The following SEMA3E variants were observed in gnomAD, a reference collection of about 807,000 sequenced individuals.
The protein encoded by SEMA3E is semaphorin 3E.
Under a neutral mutation model 93.6 loss-of-function variants are expected in SEMA3E, and 49 were observed. The ratio of observed to expected loss-of-function variants is 0.52; its 90% CI spans 0.42 to 0.66. The LOEUF is 0.66. Ranked by LOEUF, SEMA3E falls within the 30% of genes least tolerant of loss-of-function variation. SEMA3E has a pLI of 0.00. For synonymous variants in SEMA3E, 363 were observed against 330.7 expected (o/e 1.10, Z -1.06); for missense variants, 906 against 964.8 (o/e 0.94, Z 0.81).
At chr7:83,560,837 T>C (rs1221697715) in intron 1 of SEMA3E, among the ~76,000 whole-genome samples, 1 of 152,026 alleles carries the variant, frequency 6.6e-6, no homozygotes. Context: ...ATCATACTTA[T>C]CATACTTTTT....
intron 3 of SEMA3E, among the ~76,000 whole-genome samples, chr7:83,468,443 T>A (rs560705044): frequency 6.6e-6 from 1 of 152,334 alleles, no homozygotes; most frequent in South Asian, 2.1e-4. Context: ...TTAGTCAGCA[T>A]CATGCTGTGG....
intron 1 of SEMA3E, among the ~76,000 whole-genome samples, chr7:83,638,350 T>G (rs1185713747): frequency 6.6e-6 from 1 of 152,158 alleles, no homozygotes; most frequent in East Asian, 1.9e-4. Flanking sequence ...GATGAAGTGG[T>G]AAGCGACATC....
intron 1 of SEMA3E, among the ~76,000 whole-genome samples, chr7:83,505,361 T>C (rs1231989509): frequency 6.6e-6 from 1 of 152,138 alleles, no homozygotes; most frequent in Non-Finnish European, 1.5e-5. Flanking sequence ...TTTAAAAATC[T>C]AAGTCTATTA....
intron 5 of SEMA3E, among the ~76,000 whole-genome samples, chr7:83,417,424 G>A (rs79201186): frequency 4.6e-5 from 7 of 152,164 alleles, no homozygotes; most frequent in Non-Finnish European, 1.0e-4. Context: ...TCAGGAGAGA[G>A]TTTTAAGTTT....
At chr7:83,632,730 T>TA (rs1342676158) in intron 1 of SEMA3E, among the ~76,000 whole-genome samples, 4 of 152,212 alleles carry the variant, frequency 2.6e-5, no homozygotes, top group Admixed American at 1.3e-4. Flanking sequence ...CATCATGACT[T>TA]ATGTCCTTCC....
intron 1 of SEMA3E, among the ~76,000 whole-genome samples, chr7:83,565,470 A>C (rs189447936): frequency 6.6e-6 from 1 of 152,194 alleles, no homozygotes; most frequent in Non-Finnish European, 1.5e-5. Context: ...ACGTATACCT[A>C]TGGAACAAAC....
intron 1 of SEMA3E, among the ~76,000 whole-genome samples, chr7:83,501,326 T>C (rs1767972232): frequency 1.3e-5 from 2 of 152,238 alleles, no homozygotes; most frequent in Admixed American, 1.3e-4. Flanking sequence ...TTACATATTA[T>C]TTAAATCATA....
At chr7:83,369,510 C>A (rs538796446) in intron 16 of SEMA3E, among the ~76,000 whole-genome samples, 1 of 152,136 alleles carries the variant, frequency 6.6e-6, no homozygotes, top group African/African-American at 2.4e-5. Context: ...AAGTTAATAA[C>A]TCAGAAGCTT....
In SEMA3E at chr7:83,383,844, T is replaced by C. The variant is rs570588569; in HGVS notation, c.1875+1450A>G. Among the ~76,000 whole-genome samples the C allele has an allele frequency of 1.9e-4, 29 of 152,136 alleles. 1 individual carries two copies. The highest frequency in any genetic ancestry group is 4.6e-4 in the Admixed American group (7 of 15,210). ...ATAAAAGAATTACTTCACTGTCTTC[T>C]GAAGCCATTCAGCTTGGAGGAACTA... On this transcript the variant is annotated intron_variant, in intron 16 of 16. Coordinates refer to ENST00000643230, the MANE Select transcript of SEMA3E (RefSeq NM_012431.3).
In SEMA3E at chr7:83,418,554, CAT is replaced by C. The variant is rs578261046; in HGVS notation, c.457-73_457-72del. On this transcript the variant is annotated intron_variant, in intron 4 of 16. Coordinates refer to ENST00000643230, the MANE Select transcript of SEMA3E (RefSeq NM_012431.3). ...TAATCATTTAATTCCTTAGGTAAAA[CAT>C]ATGAAACTTCGATTATTTATAAAGC... 37 of 1,021,348 alleles carry C rather than the reference CAT, an allele frequency of 3.6e-5. No homozygotes were observed. In the South Asian group the frequency reaches 5.0e-4, roughly 14 times the overall value. 63.3% of individuals were successfully genotyped at this position (1,021,348 alleles called of 1,614,324 possible).
chr7:83,604,680 A>G (rs1761083530), intron 1 of SEMA3E, among the ~76,000 whole-genome samples: 1 of 151,996 alleles, frequency 6.6e-6, no homozygotes, highest in Admixed American at 6.6e-5. Flanking sequence ...GGTTTGTTAC[A>G]TAGGTATACG....
At chr7:83,610,380 G>A (rs1220682475) in intron 1 of SEMA3E, among the ~76,000 whole-genome samples, 1 of 151,934 alleles carries the variant, frequency 6.6e-6, no homozygotes, top group Non-Finnish European at 1.5e-5. Context: ...CAGAGTATAT[G>A]TTCAGAAAAA....
intron 1 of SEMA3E, among the ~76,000 whole-genome samples, chr7:83,520,243 C>T (rs746742642): frequency 6.6e-6 from 1 of 152,034 alleles, no homozygotes; most frequent in Non-Finnish European, 1.5e-5. Flanking sequence ...TAAGAGAGTA[C>T]AGTTGAAAAA....
At chr7:83,478,507 T>A (rs1249549604) in intron 2 of SEMA3E, among the ~76,000 whole-genome samples, 1 of 152,242 alleles carries the variant, frequency 6.6e-6, no homozygotes. Context: ...AATTTTCAAA[T>A]GTGTACAGAT....
At chr7:83,442,099 A>G (rs1016198985) in intron 4 of SEMA3E, among the ~76,000 whole-genome samples, 2 of 152,220 alleles carry the variant, frequency 1.3e-5, no homozygotes, top group Non-Finnish European at 2.9e-5. Context: ...TGATTTTTTC[A>G]TAATTCAAAT....
intron 4 of SEMA3E, among the ~76,000 whole-genome samples, chr7:83,458,925 A>G (rs1789551058): frequency 7.0e-6 from 1 of 142,042 alleles, no homozygotes; most frequent in East Asian, 2.1e-4. Context: ...ATATATATGT[A>G]TATATGTATA....
intron 1 of SEMA3E, among the ~76,000 whole-genome samples, chr7:83,582,639 C>A (rs1165074728): frequency 6.6e-6 from 1 of 152,034 alleles, no homozygotes; most frequent in Non-Finnish European, 1.5e-5. Context: ...AATATTTTAT[C>A]AAAATAATTT....
At chr7:83,397,215 T>G (rs1788139687) in intron 11 of SEMA3E, among the ~76,000 whole-genome samples, 1 of 152,164 alleles carries the variant, frequency 6.6e-6, no homozygotes, top group African/African-American at 2.4e-5. Flanking sequence ...AAAATTAATT[T>G]TATATGCCTG....
At chr7:83,473,009 T>G (rs1789935705) in intron 2 of SEMA3E, among the ~76,000 whole-genome samples, 1 of 152,218 alleles carries the variant, frequency 6.6e-6, no homozygotes, top group Admixed American at 6.5e-5. Context: ...AATGCTGAAC[T>G]GTGAGTCAAT....
Sources: allele counts gnomAD v4.1 joint callset (sites outside exome capture counted in the v4.1 genomes callset), GRCh38; gene constraint gnomAD v4.1.1; transcripts MANE v1.5; gene names NCBI Gene and HGNC (gene_info 2026-07-23, HGNC 2026-07-21).